The following RARS2 variants were observed in gnomAD, a reference collection of about 807,000 sequenced individuals.
RARS2 encodes probable arginine--tRNA ligase, mitochondrial.
RARS2 carries 67 observed loss-of-function variants against 88.5 expected under a neutral mutation model. The ratio of observed to expected loss-of-function variants is 0.76; its 90% CI spans 0.62 to 0.93. The LOEUF is 0.93. Ranked by LOEUF, RARS2 falls within the 40% of genes least tolerant of loss-of-function variation. RARS2 has a pLI of 0.00. For synonymous variants in RARS2, 239 were observed against 230.3 expected (o/e 1.04, Z -0.34); for missense variants, 664 against 684.2 (o/e 0.97, Z 0.33).
In RARS2 at chr6:87,521,501, C is replaced by T. The variant is rs762917520; in HGVS notation, c.998G>A (p.Arg333Gln). The T allele has an allele frequency of 2.7e-5, 44 of 1,612,006 alleles. No individual in the cohort carries two copies. The highest frequency in any genetic ancestry group is 3.5e-5 in the Non-Finnish European group (41 of 1,178,588). ...TGTATCAAAATTATACTTGTCCATT[C>T]GATCTATAGCAGCTGCAAGATCTCT... ...ATRDLAAAID[R>Q]MDKYNFDTMI... is the part of the protein sequence containing the mutation. Residue 333 changes from arginine to glutamine, a missense_variant, in exon 12 of 20, where the codon CGA (arginine) becomes CAA (glutamine). Coordinates refer to ENST00000369536, the MANE Select transcript of RARS2 (RefSeq NM_020320.5).
At chr6:87,571,820 T>C (rs77849289) in intron 1 of RARS2, among the ~76,000 whole-genome samples, 1,652 of 152,318 alleles carry the variant, frequency 0.011, 16 homozygotes, top group Non-Finnish European at 0.016. Flanking sequence ...CCTGGAGACG[T>C]CACTTTCTTT....
chr6:87,589,908 T>G lies in RARS2; in HGVS notation c.36+14A>C. 2 of 1,611,050 alleles carry G rather than the reference T, an allele frequency of 1.2e-6. No homozygotes were observed. Among genetic ancestry groups the G allele is most frequent in the Non-Finnish European group, 1.7e-6 (2 of 1,178,608 alleles). ...GCTCCTCAGGGACTCCTCTGCGCGC[T>G]CCGGGATCCATACCTGGCAAGCAAT... On this transcript the variant is annotated intron_variant, in intron 1 of 19. Coordinates refer to ENST00000369536, the MANE Select transcript of RARS2 (RefSeq NM_020320.5).
rs1179073138 is a variant in RARS2 at position 87,562,702 on chromosome 6, C to T, written c.297G>A (p.Lys99=). Residue 99 remains lysine (K), a splice_region_variant and synonymous_variant, in exon 4 of 20, where the codon AAG becomes AAA. Transcript: ENST00000369536. ...TGGCTGGATATTAACTTATTCTTAC[C>T]TTTGTTAAGAGCTCTCTGTTTATTT... The part of the protein sequence containing the change: ...NFKINRELLT[K]TVLQQVIEDG... The T allele has an allele frequency of 6.2e-7, 1 of 1,601,058 alleles. No individual in the cohort carries two copies.
chr6:87,518,170 TGAG>T lies in RARS2; in HGVS notation c.1507_1509del (p.Leu503del). ...GATGATCCCTGGAAAACATCATACC[TGAG>T]AAGATGCTGAAGAATTGAAACAGAC... On this transcript the variant is annotated inframe_deletion and splice_region_variant, in exon 17 of 20. Transcript: ENST00000369536. The T allele has an allele frequency of 6.2e-7, 1 of 1,614,158 alleles. No homozygotes were observed. The highest frequency in any genetic ancestry group is 1.1e-5 in the South Asian group (1 of 91,084).
intron 2 of RARS2, among the ~76,000 whole-genome samples, chr6:87,569,187 C>A (rs1218813732): frequency 6.6e-6 from 1 of 152,158 alleles, no homozygotes; most frequent in African/African-American, 2.4e-5. Flanking sequence ...CCCTGAGATT[C>A]TAACCACAAT....
At chr6:87,523,927 G>A (rs1774817581) in intron 11 of RARS2, among the ~76,000 whole-genome samples, 1 of 152,100 alleles carries the variant, frequency 6.6e-6, no homozygotes, top group Non-Finnish European at 1.5e-5. Context: ...AATGGTAAAG[G>A]GAAATGTCGA....
At chr6:87,532,613 G>T (rs962837997) in intron 8 of RARS2, among the ~76,000 whole-genome samples, 3 of 152,166 alleles carry the variant, frequency 2.0e-5, no homozygotes, top group African/African-American at 7.2e-5. Context: ...GGAAAGCCTG[G>T]TTTCCTCTGG....
At chr6:87,517,392 T>C (rs1772148366) in intron 17 of RARS2, among the ~76,000 whole-genome samples, 1 of 152,238 alleles carries the variant, frequency 6.6e-6, no homozygotes, top group South Asian at 2.1e-4. Context: ...ATCATCTTGC[T>C]ATTTCCTAGA....
chr6:87,540,526 G>A (rs374015374), intron 8 of RARS2, among the ~76,000 whole-genome samples: 9 of 150,960 alleles, frequency 6.0e-5, no homozygotes, highest in South Asian at 2.1e-4. Context: ...AAAAAATCAC[G>A]TTAACAGGAA....
intron 1 of RARS2, among the ~76,000 whole-genome samples, chr6:87,570,390 G>A (rs1163560914): frequency 1.3e-5 from 2 of 152,098 alleles, no homozygotes; most frequent in Non-Finnish European, 2.9e-5. Flanking sequence ...GACACTCAAA[G>A]TTAGGTGGAA....
At chr6:87,569,860 T>C (rs1769095954) in intron 1 of RARS2, among the ~76,000 whole-genome samples, 1 of 151,486 alleles carries the variant, frequency 6.6e-6, no homozygotes, top group Non-Finnish European at 1.5e-5. Context: ...ACAGAACTGT[T>C]TAGCAAAAAG....
intron 8 of RARS2, among the ~76,000 whole-genome samples, chr6:87,535,587 C>G (rs1305383348): frequency 6.6e-6 from 1 of 150,994 alleles, no homozygotes; most frequent in African/African-American, 2.4e-5. Context: ...TAGAAAGGGG[C>G]AAGGTAGAAA....
intron 2 of RARS2, 98 bp downstream of exon 2, chr6:87,569,419 T>C: frequency 2.2e-6 from 2 of 908,198 alleles, no homozygotes; most frequent in Non-Finnish European, 3.6e-6. Context: ...TCAAGGACTA[T>C]TCCACAAACT....
At chr6:87,573,930 G>C (rs1465065029) in intron 1 of RARS2, among the ~76,000 whole-genome samples, 2 of 152,204 alleles carry the variant, frequency 1.3e-5, no homozygotes, top group Admixed American at 6.5e-5. Context: ...GAGGAGAATG[G>C]AACAGCCCTG....
At chr6:87,540,670 C>T (rs142930887) in intron 8 of RARS2, among the ~76,000 whole-genome samples, 15 of 152,060 alleles carry the variant, frequency 9.9e-5, no homozygotes, top group Admixed American at 3.9e-4. Context: ...ACTTCGTATC[C>T]GCGTTTCCAC....
intron 1 of RARS2, among the ~76,000 whole-genome samples, chr6:87,580,699 C>T (rs1185629840): frequency 2.0e-5 from 3 of 151,766 alleles, no homozygotes; most frequent in Non-Finnish European, 4.4e-5. Flanking sequence ...CTCAAGCAAT[C>T]CTCCCACCTC....
At chr6:87,558,863 C>G (rs1186555587) in intron 4 of RARS2, among the ~76,000 whole-genome samples, 2 of 152,164 alleles carry the variant, frequency 1.3e-5, no homozygotes, top group African/African-American at 4.8e-5. Context: ...AAACAATTAA[C>G]TGTAAAAGTG....
chr6:87,536,161 G>A lies in RARS2; in HGVS notation c.613-5219C>T, dbSNP rs554791372. Among the ~76,000 whole-genome samples the A allele has an allele frequency of 1.7e-3, 156 of 90,438 alleles. 2 individuals are homozygous for A. The East Asian group carries it at 0.043, about 25-fold the overall frequency. 59.3% of individuals were successfully genotyped at this position (90,438 alleles called of 152,430 possible). On this transcript the variant is annotated intron_variant, in intron 8 of 19. Transcript: ENST00000369536. ...AGTTCTATTAATAAAACCTTCTATA[G>A]CAAAAAAAAAGGTTAATATGCTTAG...
intron 4 of RARS2, among the ~76,000 whole-genome samples, chr6:87,556,272 G>C (rs549880383): frequency 6.6e-6 from 1 of 152,168 alleles, no homozygotes; most frequent in African/African-American, 2.4e-5. Context: ...ACTCATATTA[G>C]TTGGTTTTGT....
Sources: gnomAD v4.1 joint callset for allele counts (sites outside exome capture counted in the v4.1 genomes callset) on GRCh38, gnomAD v4.1.1 for gene constraint, MANE v1.5 for transcripts, NCBI Gene and HGNC (gene_info 2026-07-23, HGNC 2026-07-21) for gene names.